Variants in DOCK3 observed in about 807,000 individuals in gnomAD.
DOCK3 encodes the protein dedicator of cytokinesis protein 3.
Under a neutral mutation model 265.6 loss-of-function variants are expected in DOCK3, and 60 were observed. The ratio of observed to expected loss-of-function variants is 0.23; its 90% CI spans 0.18 to 0.28. The LOEUF (loss-of-function observed/expected upper bound fraction) is 0.28, where lower values mean the gene tolerates loss of function less well. DOCK3 is among the 10% of genes least tolerant of loss of function. DOCK3 has a pLI of 1.00. For synonymous variants in DOCK3, 881 were observed against 938.0 expected (o/e 0.94, Z 1.11); for missense variants, 1,981 against 2,594.3 (o/e 0.76, Z 5.14).
chr3:50,800,188 A>C (rs760543366), intron 2 of DOCK3, among the ~76,000 whole-genome samples: 1 of 152,152 alleles, frequency 6.6e-6, no homozygotes, highest in Admixed American at 6.5e-5. Context: ...TTTTGCTATC[A>C]AGGTAATGCT....
At position 51,380,938 on chromosome 3, in the gene DOCK3, C is replaced by T; in HGVS notation, c.5584-112C>T. On this transcript the variant is annotated intron_variant, in intron 52 of 52. Coordinates refer to ENST00000266037, the MANE Select transcript of DOCK3 (RefSeq NM_004947.5). ...TGCTGCTGAAGAAACAAGAAACATGCTGTTGATGAGGGTTAAAGTTCATTC... is the reference window on the plus strand; with the variant it reads ...TGCTGCTGAAGAAACAAGAAACATGTTGTTGATGAGGGTTAAAGTTCATTC... 5.3e-6 allele frequency: 7 copies of T among 1,319,818 alleles called. No homozygotes were observed. In the South Asian group the frequency reaches 1.0e-4, roughly 19 times the overall value. 81.8% of individuals were successfully genotyped at this position (1,319,818 alleles called of 1,614,324 possible).
chr3:50,689,243 G>A (rs2035046729), intron 1 of DOCK3, among the ~76,000 whole-genome samples: 1 of 152,172 alleles, frequency 6.6e-6, no homozygotes, highest in African/African-American at 2.4e-5. Context: ...CTTCACCTCG[G>A]ATCATCAGTG....
intron 27 of DOCK3, among the ~76,000 whole-genome samples, chr3:51,291,488 G>A (rs994862621): frequency 1.1e-4 from 16 of 152,078 alleles, no homozygotes; most frequent in African/African-American, 3.6e-4. Context: ...CCGGCAGATT[G>A]GACAACATAG....
chr3:50,716,787 G>A (rs929955277), intron 1 of DOCK3, among the ~76,000 whole-genome samples: 6 of 151,104 alleles, frequency 4.0e-5, no homozygotes, highest in Non-Finnish European at 2.9e-5. Flanking sequence ...TTTAAATTTG[G>A]ATCTTATTTA....
intron 49 of DOCK3, among the ~76,000 whole-genome samples, chr3:51,362,956 G>T (rs1005245002): frequency 6.6e-6 from 1 of 152,226 alleles, no homozygotes; most frequent in Non-Finnish European, 1.5e-5. Flanking sequence ...CTTTCCCATT[G>T]AAAGTTTTGC....
intron 1 of DOCK3, among the ~76,000 whole-genome samples, chr3:50,681,737 A>T (rs568013641): frequency 6.6e-6 from 1 of 152,228 alleles, no homozygotes; most frequent in African/African-American, 2.4e-5. Context: ...CTTATCTACA[A>T]TGGAATAAAA....
intron 2 of DOCK3, among the ~76,000 whole-genome samples, chr3:50,835,709 T>G (rs2045467520): frequency 6.6e-6 from 1 of 152,182 alleles, no homozygotes. Flanking sequence ...CAAAACAGAT[T>G]AACAAAACCC....
Position 51,280,203 on chromosome 3 carries a change from A to G in DOCK3, c.2921A>G (p.Lys974Arg). 1 of 1,613,176 alleles carries G rather than the reference A, an allele frequency of 6.2e-7. No homozygotes were observed. The highest frequency in any genetic ancestry group is 8.5e-7 in the Non-Finnish European group (1 of 1,179,506). ...AACTTCCAGAGCAAAGATGAACTCA[A>G]GGTAGGCAGTAGAACACCTTTCCTC... Reference protein sequence around the residue: ...LDNFQSKDELKEFLLKIFCVF... With the variant: ...LDNFQSKDELREFLLKIFCVF... Residue 974 changes from lysine to arginine, a missense_variant and splice_region_variant, in exon 27 of 53, where the codon AAG becomes AGG. Coordinates refer to ENST00000266037, the MANE Select transcript of DOCK3 (RefSeq NM_004947.5).
At chr3:51,233,362 T>TATC (rs1560254651) in intron 19 of DOCK3, among the ~76,000 whole-genome samples, 17 of 7,846 alleles carry the variant, frequency 2.2e-3, no homozygotes, top group South Asian at 0.014. Context: ...ATCTATCTAT[T>TATC]TATTTATTTA....
intron 5 of DOCK3, among the ~76,000 whole-genome samples, chr3:51,029,018 T>C (rs932184218): frequency 6.6e-6 from 1 of 152,216 alleles, no homozygotes; most frequent in African/African-American, 2.4e-5. Context: ...TGATTCCTTT[T>C]CATCTGAGAG....
chr3:51,016,632 A>ATGATATATATT (rs2079283462), intron 5 of DOCK3, among the ~76,000 whole-genome samples: 2 of 19,984 alleles, frequency 1.0e-4, no homozygotes, highest in African/African-American at 7.8e-4. Flanking sequence ...TATATAATAT[A>ATGATATATATT]TATGATATAT....
At chr3:50,960,903 A>G (rs1348749205) in intron 5 of DOCK3, among the ~76,000 whole-genome samples, 1 of 152,134 alleles carries the variant, frequency 6.6e-6, no homozygotes, top group Non-Finnish European at 1.5e-5. Context: ...TAAATGTGCA[A>G]TTGTTCCACC....
At chr3:51,107,147 T>G (rs1207327966) in intron 9 of DOCK3, among the ~76,000 whole-genome samples, 1 of 152,238 alleles carries the variant, frequency 6.6e-6, no homozygotes, top group East Asian at 1.9e-4. Flanking sequence ...TGAACCCATC[T>G]TATATCACAA....
intron 2 of DOCK3, among the ~76,000 whole-genome samples, chr3:50,800,405 T>C (rs897662946): frequency 6.6e-6 from 1 of 152,170 alleles, no homozygotes; most frequent in Non-Finnish European, 1.5e-5. Context: ...TTCTTTCTTC[T>C]TAGTTTACTT....
chr3:50,772,641 GC>G (rs2041344344), intron 1 of DOCK3, among the ~76,000 whole-genome samples: 1 of 152,066 alleles, frequency 6.6e-6, no homozygotes, highest in African/African-American at 2.4e-5. Context: ...ATTTATATGT[GC>G]TACGATTATT....
intron 27 of DOCK3, among the ~76,000 whole-genome samples, chr3:51,281,354 A>G (rs1202810752): frequency 6.7e-6 from 1 of 150,296 alleles, no homozygotes; most frequent in Non-Finnish European, 1.5e-5. Flanking sequence ...GGCTGCATTC[A>G]AAGCCATCCT....
intron 9 of DOCK3, among the ~76,000 whole-genome samples, chr3:51,127,458 A>G (rs530526297): frequency 1.2e-4 from 18 of 152,334 alleles, no homozygotes; most frequent in African/African-American, 4.3e-4. Flanking sequence ...TAATACAACT[A>G]TCCTTCACAT....
intron 1 of DOCK3, among the ~76,000 whole-genome samples, chr3:50,750,957 A>G (rs1040346387): frequency 2.0e-5 from 3 of 152,108 alleles, no homozygotes; most frequent in African/African-American, 7.2e-5. Flanking sequence ...TTTCTTTTTT[A>G]TTTGTATGGA....
chr3:51,338,859 G>A (rs770348541), intron 36 of DOCK3, 76 bp from the exon 37 acceptor site: 32 of 1,293,664 alleles, frequency 2.5e-5, no homozygotes, highest in Non-Finnish European at 3.3e-5. Flanking sequence ...GCACACCCAC[G>A]GCTATGGCCA....
Sources: allele counts gnomAD v4.1 joint callset (sites outside exome capture counted in the v4.1 genomes callset), GRCh38; gene constraint gnomAD v4.1.1; transcripts MANE v1.5; gene names NCBI Gene and HGNC (gene_info 2026-07-23, HGNC 2026-07-21).